Variants in CADPS2 observed in about 807,000 individuals in gnomAD.
CADPS2 encodes calcium-dependent secretion activator 2.
A neutral mutation model predicts 172.5 loss-of-function variants in CADPS2; 93 were observed. The ratio of observed to expected loss-of-function variants is 0.54; its 90% CI spans 0.46 to 0.64. The LOEUF is 0.64. CADPS2 is among the 30% of genes least tolerant of loss of function. The probability of loss-of-function intolerance (pLI) is 0.00; values close to 1 mark genes in which losing one functional copy is unlikely to be tolerated. For synonymous variants in CADPS2, 546 were observed against 555.2 expected (o/e 0.98, Z 0.23); for missense variants, 1,420 against 1,565.9 (o/e 0.91, Z 1.57).
Position 122,861,099 on chromosome 7 carries a change from T to C in CADPS2, c.339+24900A>G, listed in dbSNP as rs188556852. The stretch of plus-strand genomic sequence containing the variant: ...TATATGTCTTGACATATGAATTTCA[T>C]TTCCTTTGAATAGATACCCAGTAGT... On this transcript the variant is annotated intron_variant, in intron 1 of 29. Transcript: ENST00000449022. Among the ~76,000 whole-genome samples the C allele has an allele frequency of 3.5e-3, 532 of 152,318 alleles. 2 individuals are homozygous for C. The highest frequency in any genetic ancestry group is 4.8e-3 in the Non-Finnish European group (329 of 68,022).
At chr7:122,641,623 TCAAC>T (rs2077656743) in intron 3 of CADPS2, among the ~76,000 whole-genome samples, 1 of 152,198 alleles carries the variant, frequency 6.6e-6, no homozygotes, top group African/African-American at 2.4e-5. Flanking sequence ...TTTTGATACA[TCAAC>T]CAGGGAAAAC....
chr7:122,651,285 G>A (rs2079122904), intron 3 of CADPS2, among the ~76,000 whole-genome samples: 1 of 151,050 alleles, frequency 6.6e-6, no homozygotes, highest in African/African-American at 2.4e-5. Context: ...AGAAGACAGT[G>A]GTGGAAGTCA....
chr7:122,665,403 G>A (rs944626152), intron 2 of CADPS2, among the ~76,000 whole-genome samples: 1 of 152,074 alleles, frequency 6.6e-6, no homozygotes, highest in Admixed American at 6.6e-5. Flanking sequence ...ACAGACTTCC[G>A]TACTGAAACA....
At chr7:122,667,445 C>A (rs1020214563) in intron 2 of CADPS2, among the ~76,000 whole-genome samples, 3 of 152,236 alleles carry the variant, frequency 2.0e-5, no homozygotes, top group African/African-American at 7.2e-5. Context: ...CTCATTTCCC[C>A]TACAAAACCA....
At chr7:122,620,312 A>C (rs1436186830) in intron 5 of CADPS2, among the ~76,000 whole-genome samples, 1 of 152,182 alleles carries the variant, frequency 6.6e-6, no homozygotes, top group Non-Finnish European at 1.5e-5. Context: ...GGGGAGGGGA[A>C]GCTTAAGTTT....
chr7:122,766,097 G>GAGC (rs1427958099), intron 1 of CADPS2, among the ~76,000 whole-genome samples: 4 of 152,034 alleles, frequency 2.6e-5, no homozygotes, highest in African/African-American at 9.7e-5. Flanking sequence ...ACGGAAGGGG[G>GAGC]AGCAGGCACA....
intron 3 of CADPS2, among the ~76,000 whole-genome samples, chr7:122,629,605 G>C (rs2076389916): frequency 6.6e-6 from 1 of 152,080 alleles, no homozygotes; most frequent in Non-Finnish European, 1.5e-5. Context: ...GTCCTAAATA[G>C]TTCCAGAAAG....
intron 25 of CADPS2, among the ~76,000 whole-genome samples, chr7:122,376,298 T>C (rs1171898731): frequency 6.6e-6 from 1 of 152,166 alleles, no homozygotes; most frequent in African/African-American, 2.4e-5. Flanking sequence ...AGCATTCTTC[T>C]CAATAGGCAA....
chr7:122,335,118 C>G (rs553940491), intron 28 of CADPS2, among the ~76,000 whole-genome samples: 2 of 152,296 alleles, frequency 1.3e-5, no homozygotes, highest in African/African-American at 4.8e-5. Flanking sequence ...ATTTTTTACA[C>G]ATAGTAATTG....
At position 122,722,723 on chromosome 7, in the gene CADPS2, A is replaced by T. The variant is rs1278759023; in HGVS notation, c.453+14232T>A. ...CCAAAAAAGAGCCTGCATTGCCAAG[A>T]CAATCCTAAGCCAAAAGAACAAAGC... On this transcript the variant is annotated intron_variant, in intron 2 of 29. Transcript: ENST00000449022. 2.2e-3 allele frequency among the ~76,000 whole-genome samples: 293 copies of T among 132,950 alleles called. 3 individuals are homozygous for T. Among genetic ancestry groups the T allele is most frequent in the African/African-American group, 7.9e-3 (275 of 34,918 alleles). The allele number at this position is 132,950 out of a possible 152,430, so 87.2% of individuals were successfully genotyped here.
intron 2 of CADPS2, among the ~76,000 whole-genome samples, chr7:122,668,402 TAAAAA>T (rs34006020): frequency 7.2e-6 from 1 of 138,196 alleles, no homozygotes; most frequent in Non-Finnish European, 1.6e-5. Context: ...AAAGTATGGT[TAAAAA>T]AAAAAAAAAA....
intron 19 of CADPS2, among the ~76,000 whole-genome samples, chr7:122,408,012 T>C (rs2151668895): frequency 6.6e-6 from 1 of 152,276 alleles, no homozygotes; most frequent in East Asian, 1.9e-4. Context: ...TTGTATCTCA[T>C]AATTTAAACA....
chr7:122,873,806 G>A (rs1010695867), intron 1 of CADPS2, among the ~76,000 whole-genome samples: 19 of 152,018 alleles, frequency 1.2e-4, no homozygotes, highest in South Asian at 6.2e-4. Flanking sequence ...AAGCATTCCC[G>A]TTTCTCCACA....
At chr7:122,707,303 G>A (rs2087731357) in intron 2 of CADPS2, among the ~76,000 whole-genome samples, 1 of 151,890 alleles carries the variant, frequency 6.6e-6, no homozygotes, top group African/African-American at 2.4e-5. Context: ...ATGTATATAT[G>A]CATGTATCCT....
chr7:122,724,197 A>T (rs1588763793), intron 2 of CADPS2, among the ~76,000 whole-genome samples: 1 of 152,006 alleles, frequency 6.6e-6, no homozygotes, highest in Non-Finnish European at 1.5e-5. Flanking sequence ...AAAATTAAAA[A>T]ATAAAAATAA....
chr7:122,570,659 T>G (rs1470036122), intron 7 of CADPS2, among the ~76,000 whole-genome samples: 11 of 150,972 alleles, frequency 7.3e-5, no homozygotes, highest in South Asian at 6.3e-4. Context: ...ATAGACTGGA[T>G]TAAGAAAATG....
chr7:122,350,142 T>C (rs17462508), intron 27 of CADPS2, among the ~76,000 whole-genome samples: 19,445 of 152,222 alleles, frequency 0.13, 1,608 homozygotes, highest in Non-Finnish European at 0.18. Flanking sequence ...GATTATCTGC[T>C]TGCTTTGTAA....
At chr7:122,364,221 G>A (rs1394310988) in intron 25 of CADPS2, among the ~76,000 whole-genome samples, 2 of 151,780 alleles carry the variant, frequency 1.3e-5, no homozygotes, top group African/African-American at 4.8e-5. Flanking sequence ...GACCAGCCTG[G>A]ACAACATAGC....
intron 8 of CADPS2, among the ~76,000 whole-genome samples, chr7:122,516,398 T>C (rs563558371): frequency 1.3e-5 from 2 of 152,096 alleles, no homozygotes; most frequent in East Asian, 3.9e-4. Context: ...ATTAGCTGGA[T>C]GCAGTGGTAC....
Sources: gnomAD v4.1 joint callset for allele counts (sites outside exome capture counted in the v4.1 genomes callset) on GRCh38, gnomAD v4.1.1 for gene constraint, MANE v1.5 for transcripts, NCBI Gene and HGNC (gene_info 2026-07-23, HGNC 2026-07-21) for gene names.